ZNF652: variants seen among roughly 807,000 people sequenced by gnomAD.
ZNF652 encodes zinc finger protein 652.
Under a neutral mutation model 45.2 loss-of-function variants are expected in ZNF652, and 16 were observed. The observed-to-expected ratio is 0.35, with a 90% confidence interval of 0.24 to 0.54. The LOEUF (loss-of-function observed/expected upper bound fraction) is 0.54, where lower values mean the gene tolerates loss of function less well. ZNF652 is among the 20% of genes least tolerant of loss of function. The pLI, the probability that ZNF652 is intolerant of heterozygous loss-of-function variation, is 0.91. For missense variants in ZNF652, 614 were observed against 765.6 expected, an observed-to-expected ratio of 0.80 and a Z score of 2.34; for synonymous variants, 250 against 260.6, an observed-to-expected ratio of 0.96 and a Z score of 0.39.
chr17:49,353,860 G>A (rs1416610823), intron 1 of ZNF652, among the ~76,000 whole-genome samples: 1 of 152,182 alleles, frequency 6.6e-6, no homozygotes, highest in Non-Finnish European at 1.5e-5. Context: ...GTCCAGCCCT[G>A]CAAGAGTTGG....
chr17:49,308,992 CAAAG>C (rs1186261502), intron 5 of ZNF652, among the ~76,000 whole-genome samples: 3 of 151,288 alleles, frequency 2.0e-5, no homozygotes, highest in South Asian at 2.1e-4. Context: ...AAAAAAATGA[CAAAG>C]AAGAAGAAAC....
intron 1 of ZNF652, among the ~76,000 whole-genome samples, chr17:49,348,984 A>G (rs1399070441): frequency 6.6e-6 from 1 of 152,250 alleles, no homozygotes; most frequent in Non-Finnish European, 1.5e-5. Context: ...AAACAAAAAA[A>G]GAATTAAAAA....
intron 1 of ZNF652, among the ~76,000 whole-genome samples, chr17:49,358,098 C>T (rs980585647): frequency 6.6e-6 from 1 of 152,196 alleles, no homozygotes; most frequent in Non-Finnish European, 1.5e-5. Flanking sequence ...AGTTTACATA[C>T]ATTATCTCTA....
chr17:49,323,890 C>T (rs2069925731), intron 1 of ZNF652, among the ~76,000 whole-genome samples: 1 of 152,182 alleles, frequency 6.6e-6, no homozygotes, highest in African/African-American at 2.4e-5. Flanking sequence ...ATTTCTAGCA[C>T]ATAGGCTGAG....
At chr17:49,354,191 T>C (rs1406683379) in intron 1 of ZNF652, among the ~76,000 whole-genome samples, 3 of 152,260 alleles carry the variant, frequency 2.0e-5, no homozygotes, top group Non-Finnish European at 4.4e-5. Flanking sequence ...AATAGTTTCT[T>C]ATTATATTAT....
chr17:49,324,860 C>T (rs2069939766), intron 1 of ZNF652, among the ~76,000 whole-genome samples: 1 of 151,252 alleles, frequency 6.6e-6, no homozygotes, highest in Non-Finnish European at 1.5e-5. Context: ...CCTGCCTCAG[C>T]CTACCGAGTA....
intron 1 of ZNF652, among the ~76,000 whole-genome samples, chr17:49,359,179 G>C (rs908504095): frequency 6.6e-6 from 1 of 152,204 alleles, no homozygotes; most frequent in African/African-American, 2.4e-5. Flanking sequence ...TAACCTACTT[G>C]CAACTTTGAA....
In ZNF652 at chr17:49,292,676, C is replaced by CG. The variant is rs2069419515; in HGVS notation, c.*5736_*5737insC. Among the ~76,000 whole-genome samples, 2 of 151,886 alleles carry CG rather than the reference C, an allele frequency of 1.3e-5. No homozygotes were observed. ...GAGAAAAAGGTGTTCAAAAGACATT[C>CG]AATGACCTTTAATTTTAAAGGAACG... On this transcript the variant is annotated 3_prime_UTR_variant, in exon 6 of 6. Coordinates refer to ENST00000430262, the MANE Select transcript of ZNF652 (RefSeq NM_001145365.3).
chr17:49,351,648 TA>T (rs1376418462), intron 1 of ZNF652, among the ~76,000 whole-genome samples: 7 of 152,064 alleles, frequency 4.6e-5, no homozygotes, highest in Admixed American at 6.6e-5. Context: ...GAAAAGGCCA[TA>T]TTTTTTTTTC....
chr17:49,356,771 A>C (rs2070341829), intron 1 of ZNF652, among the ~76,000 whole-genome samples: 1 of 152,082 alleles, frequency 6.6e-6, no homozygotes, highest in Non-Finnish European at 1.5e-5. Flanking sequence ...CCTGAGGTAA[A>C]TCCTACTGTA....
chr17:49,288,157 C>CAT (rs1009165762), downstream of ZNF652, among the ~76,000 whole-genome samples: 6 of 151,000 alleles, frequency 4.0e-5, no homozygotes, highest in East Asian at 3.9e-4. Flanking sequence ...TAAATAAACT[C>CAT]ATATATATAT....
intron 1 of ZNF652, among the ~76,000 whole-genome samples, chr17:49,338,292 T>C (rs906865969): frequency 1.3e-5 from 2 of 152,140 alleles, no homozygotes; most frequent in African/African-American, 4.8e-5. Context: ...CACCAGTTTC[T>C]GAACTCTTAA....
At chr17:49,332,149 TC>T (rs1450201203) in intron 1 of ZNF652, among the ~76,000 whole-genome samples, 1 of 151,690 alleles carries the variant, frequency 6.6e-6, no homozygotes, top group African/African-American at 2.4e-5. Flanking sequence ...TCACCTATAA[TC>T]CCAGCTACTT....
intron 1 of ZNF652, among the ~76,000 whole-genome samples, chr17:49,342,260 T>C (rs1199151513): frequency 6.6e-6 from 1 of 152,130 alleles, no homozygotes; most frequent in Non-Finnish European, 1.5e-5. Context: ...GTATGTTGTC[T>C]TGAGATAAGC....
Position 49,320,064 on chromosome 17 carries a change from T to G in ZNF652, c.-258-2081A>C, listed in dbSNP as rs1364031742. 2.6e-5 allele frequency among the ~76,000 whole-genome samples: 4 copies of G among 152,188 alleles called. No individual in the cohort carries two copies. In the East Asian group the frequency reaches 7.7e-4, roughly 29 times the overall value. On this transcript the variant is annotated intron_variant, in intron 1 of 5. Transcript: ENST00000430262. ...TGTTTCTGGACTTTTTATTTCAATT[T>G]CAGATATTACCTTGTCTTTCTCTAT...
intron 1 of ZNF652, among the ~76,000 whole-genome samples, chr17:49,343,043 G>A (rs1008635629): frequency 2.6e-5 from 4 of 151,808 alleles, no homozygotes; most frequent in South Asian, 2.1e-4. Context: ...CACCACACCC[G>A]GCTAATTTTT....
In ZNF652 at chr17:49,290,779, T is replaced by G. The variant is rs2069395631; in HGVS notation, c.*7634A>C. Reference sequence around the variant, plus strand: ...AGGGATGAACGACGACTGGACTTTGTAATAAGGGAAAATTTCTTAAATAAT... The same window carrying G: ...AGGGATGAACGACGACTGGACTTTGGAATAAGGGAAAATTTCTTAAATAAT... On this transcript the variant is annotated 3_prime_UTR_variant, in exon 6 of 6. Coordinates refer to ENST00000430262, the MANE Select transcript of ZNF652 (RefSeq NM_001145365.3). 1 of 152,210 alleles carries G rather than the reference T, an allele frequency of 6.6e-6. No individual in the cohort carries two copies. Among genetic ancestry groups the G allele is most frequent in the South Asian group, 2.1e-4 (1 of 4,832 alleles). The allele number at this position is 152,210 out of a possible 1,614,324, so 9.4% of individuals were successfully genotyped here.
intron 5 of ZNF652, among the ~76,000 whole-genome samples, chr17:49,302,639 G>C: frequency 6.6e-6 from 1 of 150,728 alleles, no homozygotes; most frequent in Middle Eastern, 3.4e-3. Flanking sequence ...GTTTATCTAT[G>C]ATCTATTAAA....
intron 5 of ZNF652, among the ~76,000 whole-genome samples, chr17:49,305,047 T>C (rs2069610088): frequency 6.6e-6 from 1 of 152,136 alleles, no homozygotes; most frequent in African/African-American, 2.4e-5. Flanking sequence ...CATTATCCCA[T>C]CTAGCAAACC....
Sources: gnomAD v4.1 joint callset for allele counts (sites outside exome capture counted in the v4.1 genomes callset) on GRCh38, gnomAD v4.1.1 for gene constraint, MANE v1.5 for transcripts, NCBI Gene and HGNC (gene_info 2026-07-23, HGNC 2026-07-21) for gene names.